The following ENOX1 variants were observed in gnomAD, a reference collection of about 807,000 sequenced individuals.
The protein encoded by ENOX1 is ecto-NOX disulfide-thiol exchanger 1.
ENOX1 carries 42 observed loss-of-function variants against 82.5 expected under a neutral mutation model. That is an observed-to-expected ratio of 0.51 (90% CI 0.40 to 0.66). ENOX1 has a LOEUF of 0.66. Among genes scored for constraint, ENOX1 ranks in the 30% least tolerant of loss-of-function variants. ENOX1 has a pLI of 0.00. For missense variants in ENOX1, 608 were observed against 811.6 expected (o/e 0.75, Z 3.05); for synonymous variants, 271 against 282.2 (o/e 0.96, Z 0.40).
chr13:43,535,263 T>C (rs2078407508), intron 2 of ENOX1, among the ~76,000 whole-genome samples: 1 of 152,188 alleles, frequency 6.6e-6, no homozygotes, highest in South Asian at 2.1e-4. Context: ...TACAAACACA[T>C]TTTCTTATAT....
intron 5 of ENOX1, among the ~76,000 whole-genome samples, chr13:43,369,169 G>C (rs1425475659): frequency 6.6e-6 from 1 of 152,048 alleles, no homozygotes. Context: ...CTTTCCCACT[G>C]TTCCTGGTCA....
rs1227574806 is a variant in ENOX1, at chr13:43,321,201, T to A, written c.1261+1183A>T. The stretch of plus-strand genomic sequence containing the variant: ...ATCAGAATTTCCTATAGGGCTTAAA[T>A]CACAGATTGCTGGACTTCACTTCCC... On this transcript the variant is annotated intron_variant, in intron 11 of 16. Coordinates refer to ENST00000690772, the MANE Select transcript of ENOX1 (RefSeq NM_001347969.2). 11 of 454,910 alleles carry A rather than the reference T, an allele frequency of 2.4e-5. No individual in the cohort carries two copies. In the East Asian group the frequency reaches 7.6e-4, roughly 32 times the overall value. The allele number at this position is 454,910 out of a possible 1,614,324, so 28.2% of individuals were successfully genotyped here.
At chr13:43,784,764 G>T (rs1212182478) in intron 1 of ENOX1, among the ~76,000 whole-genome samples, 2 of 152,188 alleles carry the variant, frequency 1.3e-5, no homozygotes, top group Non-Finnish European at 2.9e-5. Context: ...ATATAAAGTT[G>T]TCAACATTAA....
At chr13:43,577,779 A>T (rs532041522) in intron 2 of ENOX1, among the ~76,000 whole-genome samples, 9 of 152,282 alleles carry the variant, frequency 5.9e-5, no homozygotes, top group Admixed American at 3.3e-4. Flanking sequence ...GGAATATTGC[A>T]GACAGAAAGC....
At chr13:43,319,454 T>C (rs1163591806) in intron 11 of ENOX1, among the ~76,000 whole-genome samples, 1 of 152,156 alleles carries the variant, frequency 6.6e-6, no homozygotes. Flanking sequence ...TATTGAAACA[T>C]TTTGATTATT....
intron 15 of ENOX1, among the ~76,000 whole-genome samples, chr13:43,225,049 A>G (rs547718574): frequency 1.3e-5 from 2 of 152,234 alleles, no homozygotes; most frequent in Non-Finnish European, 2.9e-5. Context: ...GGATTGCATA[A>G]AGAAAACGTG....
chr13:43,338,676 GTTTTTTTTTT>G (rs71099830), intron 9 of ENOX1, among the ~76,000 whole-genome samples: 3 of 81,264 alleles, frequency 3.7e-5, no homozygotes, highest in Non-Finnish European at 6.9e-5. Context: ...TTCAGGTTGG[GTTTTTTTTTT>G]TTTTTTTTTT....
In ENOX1 at chr13:43,326,536, C is replaced by T. The variant is rs754849752; in HGVS notation, c.1037-11G>A. On this transcript the variant is annotated splice_polypyrimidine_tract_variant and intron_variant, in intron 9 of 16. Coordinates refer to ENST00000690772, the MANE Select transcript of ENOX1 (RefSeq NM_001347969.2). Reference sequence around the variant, plus strand: ...CCACAATCTGCTCAACTTTGGTGAACAAGGAAGTCAAACAAGACAAGTAAT... The same window carrying T: ...CCACAATCTGCTCAACTTTGGTGAATAAGGAAGTCAAACAAGACAAGTAAT... The T allele has an allele frequency of 6.2e-7, 1 of 1,609,226 alleles. No homozygotes were observed. Among genetic ancestry groups the T allele is most frequent in the East Asian group, 2.2e-5 (1 of 44,852 alleles).
At chr13:43,372,274 T>C (rs939836073) in intron 5 of ENOX1, among the ~76,000 whole-genome samples, 8 of 152,234 alleles carry the variant, frequency 5.3e-5, no homozygotes, top group African/African-American at 1.7e-4. Flanking sequence ...TGATGATGAC[T>C]TACATTTCAC....
chr13:43,579,919 A>G (rs564472975), intron 2 of ENOX1, among the ~76,000 whole-genome samples: 1 of 152,346 alleles, frequency 6.6e-6, no homozygotes, highest in South Asian at 2.1e-4. Context: ...GTCCTACAGT[A>G]GGAAAGAGTT....
At chr13:43,411,185 G>GTGTTT (rs1326635907) in intron 5 of ENOX1, among the ~76,000 whole-genome samples, 1 of 151,976 alleles carries the variant, frequency 6.6e-6, no homozygotes. Context: ...TCAGGTGTTG[G>GTGTTT]TGTTTTGTTT....
At chr13:43,751,962 T>C (rs1022559455) in intron 1 of ENOX1, among the ~76,000 whole-genome samples, 2 of 152,224 alleles carry the variant, frequency 1.3e-5, no homozygotes, top group Non-Finnish European at 1.5e-5. Context: ...GCCAAACTAT[T>C]TTCCAACAGG....
chr13:43,442,863 A>G (rs2056434145), intron 3 of ENOX1, among the ~76,000 whole-genome samples: 1 of 152,216 alleles, frequency 6.6e-6, no homozygotes, highest in Non-Finnish European at 1.5e-5. Flanking sequence ...TACATAATAC[A>G]TACCAATTTT....
At chr13:43,338,098 A>C (rs147403509) in intron 9 of ENOX1, among the ~76,000 whole-genome samples, 1 of 152,138 alleles carries the variant, frequency 6.6e-6, no homozygotes, top group East Asian at 1.9e-4. Context: ...CAAAATGGGG[A>C]TATCATGGAG....
At chr13:43,380,756 G>C (rs926161594) in intron 5 of ENOX1, among the ~76,000 whole-genome samples, 14 of 150,984 alleles carry the variant, frequency 9.3e-5, no homozygotes, top group Admixed American at 8.6e-4. Flanking sequence ...CTGGAAAGGG[G>C]GCATGCTAAT....
At chr13:43,755,070 G>A (rs553398004) in intron 1 of ENOX1, among the ~76,000 whole-genome samples, 114 of 100,462 alleles carry the variant, frequency 1.1e-3, no homozygotes, top group African/African-American at 3.5e-3. Flanking sequence ...AATTCTATCT[G>A]CTCAGGAGAT....
In ENOX1 at chr13:43,412,890, T is replaced by C. The variant is rs749275082; in HGVS notation, c.25A>G (p.Asn9Asp). MVDAGGVE[N>D]ITQLPQELPQ... The stretch of plus-strand genomic sequence containing the variant: ...AGCTCCTGGGGAAGCTGGGTGATGT[T>C]CTCAACTCCACCTGCATCTACCATT... The change falls in exon 4 of 17, where the codon AAC becomes GAC. Residue 9 changes from asparagine (N) to aspartate (D), a missense_variant. By Grantham distance (23) the Asn-to-Asp change is conservative. Transcript: ENST00000690772. The C allele has an allele frequency of 6.2e-7, 1 of 1,614,100 alleles. No individual in the cohort carries two copies. Among genetic ancestry groups the C allele is most frequent in the South Asian group, 1.1e-5 (1 of 91,072 alleles).
intron 7 of ENOX1, among the ~76,000 whole-genome samples, chr13:43,358,245 C>T (rs1271685645): frequency 6.6e-6 from 1 of 152,182 alleles, no homozygotes; most frequent in Non-Finnish European, 1.5e-5. Flanking sequence ...CTCTGATTTA[C>T]TCTAACCTTC....
intron 2 of ENOX1, among the ~76,000 whole-genome samples, chr13:43,539,336 T>C (rs904887154): frequency 6.6e-6 from 1 of 152,232 alleles, no homozygotes; most frequent in African/African-American, 2.4e-5. Context: ...AAGATGGCAT[T>C]AGTTGCATTT....
Sources: allele counts gnomAD v4.1 joint callset (sites outside exome capture counted in the v4.1 genomes callset), GRCh38; gene constraint gnomAD v4.1.1; transcripts MANE v1.5; gene names NCBI Gene and HGNC (gene_info 2026-07-23, HGNC 2026-07-21).